Variants in CHRM3 observed in about 807,000 individuals in gnomAD.
CHRM3 encodes cholinergic receptor muscarinic 3.
CHRM3 carries 11 observed loss-of-function variants against 41.8 expected under a neutral mutation model. The observed-to-expected ratio is 0.26, with a 90% confidence interval of 0.17 to 0.44. The LOEUF (loss-of-function observed/expected upper bound fraction) is 0.44, where lower values mean the gene tolerates loss of function less well. Ranked by LOEUF, CHRM3 falls within the 20% of genes least tolerant of loss-of-function variation. CHRM3 has a pLI of 1.00. For synonymous variants in CHRM3, 297 were observed against 301.4 expected, an observed-to-expected ratio of 0.99 and a Z score of 0.15; for missense variants, 571 against 745.4, an observed-to-expected ratio of 0.77 and a Z score of 2.72.
At chr1:239,676,421 T>G (rs1658010818) in intron 4 of CHRM3, among the ~76,000 whole-genome samples, 1 of 152,144 alleles carries the variant, frequency 6.6e-6, no homozygotes, top group Admixed American at 6.6e-5. Flanking sequence ...TAGTTGAGTG[T>G]GTCTGCCCCA....
At chr1:239,775,111 G>A (rs1390431799) in intron 5 of CHRM3, among the ~76,000 whole-genome samples, 2 of 152,032 alleles carry the variant, frequency 1.3e-5, no homozygotes, top group East Asian at 3.9e-4. Flanking sequence ...CTGATAGTCT[G>A]TCTTATCTAA....
At chr1:239,513,937 C>T (rs1052004052) in intron 2 of CHRM3, among the ~76,000 whole-genome samples, 1 of 152,026 alleles carries the variant, frequency 6.6e-6, no homozygotes, top group Non-Finnish European at 1.5e-5. Flanking sequence ...AGATCAGTTG[C>T]TATACTTAGT....
intron 1 of CHRM3, among the ~76,000 whole-genome samples, chr1:239,397,383 A>G (rs1251978112): frequency 6.6e-6 from 1 of 152,056 alleles, no homozygotes; most frequent in Non-Finnish European, 1.5e-5. Flanking sequence ...AAATATAGAA[A>G]ATGTTGTGGC....
intron 6 of CHRM3, among the ~76,000 whole-genome samples, chr1:239,877,974 T>A (rs559769008): frequency 1.3e-5 from 2 of 151,334 alleles, no homozygotes; most frequent in African/African-American, 4.9e-5. Flanking sequence ...CACTGCAAGC[T>A]CTGCCTCCCA....
chr1:239,464,113 C>CA (rs775078155), intron 1 of CHRM3, among the ~76,000 whole-genome samples: 35 of 151,950 alleles, frequency 2.3e-4, no homozygotes, highest in Admixed American at 1.2e-3. Flanking sequence ...CCCATCTCTA[C>CA]AAAAAATACC....
intron 5 of CHRM3, among the ~76,000 whole-genome samples, chr1:239,696,234 T>A (rs996561230): frequency 5.9e-5 from 9 of 152,176 alleles, no homozygotes; most frequent in African/African-American, 2.2e-4. Context: ...ATATCAAAAA[T>A]CTTATACCTG....
intron 5 of CHRM3, among the ~76,000 whole-genome samples, chr1:239,781,414 G>A (rs764563567): frequency 1.3e-5 from 2 of 152,188 alleles, no homozygotes; most frequent in African/African-American, 4.8e-5. Context: ...GCTAGTACAG[G>A]AAAGCAATGG....
rs183901262 is a variant in CHRM3 at position 239,769,735 on chromosome 1, G to A, written c.-146-57517G>A. Reference sequence around the variant, plus strand: ...ATCTCTACTACAAATACAAAAATTAGCCAGGCTTGGTGGCAGGTGCCTGTA... The same window carrying A: ...ATCTCTACTACAAATACAAAAATTAACCAGGCTTGGTGGCAGGTGCCTGTA... On this transcript the variant is annotated intron_variant, in intron 5 of 6. Transcript: ENST00000676153. 6.8e-3 allele frequency among the ~76,000 whole-genome samples: 1,040 copies of A among 152,248 alleles called. 9 individuals are homozygous for A. The highest frequency in any genetic ancestry group is 8.6e-3 in the Non-Finnish European group (585 of 68,022).
chr1:239,743,977 T>G (rs1449451415), intron 5 of CHRM3, among the ~76,000 whole-genome samples: 2 of 148,740 alleles, frequency 1.3e-5, no homozygotes, highest in Admixed American at 6.7e-5. Flanking sequence ...TTTTTAAGTT[T>G]TTTTTTTTTT....
At chr1:239,804,067 G>C (rs554514115) in intron 5 of CHRM3, among the ~76,000 whole-genome samples, 1 of 152,324 alleles carries the variant, frequency 6.6e-6, no homozygotes, top group Admixed American at 6.5e-5. Flanking sequence ...TGTGGCAACA[G>C]GAGAGAGGCA....
At chr1:239,710,988 A>T (rs1400907181) in intron 5 of CHRM3, among the ~76,000 whole-genome samples, 6 of 151,972 alleles carry the variant, frequency 3.9e-5, no homozygotes, top group Non-Finnish European at 7.4e-5. Flanking sequence ...AAACTATTTG[A>T]CAACTCTCAC....
chr1:239,749,957 C>CAGTTAAAAGTTTAAAA (rs1665674600), intron 5 of CHRM3, among the ~76,000 whole-genome samples: 1 of 152,172 alleles, frequency 6.6e-6, no homozygotes, highest in Non-Finnish European at 1.5e-5. Context: ...CTTTGAATCT[C>CAGTTAAAAGTTTAAAA]AGTTAAAAGT....
intron 3 of CHRM3, among the ~76,000 whole-genome samples, chr1:239,563,618 A>T (rs2148501541): frequency 6.6e-6 from 1 of 152,282 alleles, no homozygotes; most frequent in Admixed American, 6.5e-5. Flanking sequence ...ATTTGTTTCA[A>T]GAGAAGGAGA....
At chr1:239,562,862 T>C (rs1411726733) in intron 3 of CHRM3, among the ~76,000 whole-genome samples, 1 of 132,578 alleles carries the variant, frequency 7.5e-6, no homozygotes, top group East Asian at 2.2e-4. Context: ...CACTCCAGCC[T>C]GGGCAAAAGA....
Position 239,790,782 on chromosome 1 carries a change from A to T in CHRM3, c.-146-36470A>T, listed in dbSNP as rs1196351498. ...GAATATTAGTTCCTAAACCTCATTA[A>T]CTTCCTGGAGCACAAATGTGATAGA... On this transcript the variant is annotated intron_variant, in intron 5 of 6. Coordinates refer to ENST00000676153, the MANE Select transcript of CHRM3 (RefSeq NM_001375978.1). 2.6e-5 allele frequency among the ~76,000 whole-genome samples: 4 copies of T among 152,200 alleles called. No individual in the cohort carries two copies. The East Asian group carries it at 5.8e-4, about 22-fold the overall frequency.
At chr1:239,870,322 TA>T (rs1347443510) in intron 6 of CHRM3, among the ~76,000 whole-genome samples, 2 of 152,308 alleles carry the variant, frequency 1.3e-5, no homozygotes, top group Admixed American at 1.3e-4. Context: ...GTTGTCCAGA[TA>T]AGTAGAAATA....
intron 1 of CHRM3, among the ~76,000 whole-genome samples, chr1:239,454,295 G>A (rs1358285333): frequency 6.6e-6 from 1 of 152,142 alleles, no homozygotes; most frequent in East Asian, 1.9e-4. Flanking sequence ...TTGGCTCATT[G>A]GACTCCTGGA....
At chr1:239,618,272 TC>T (rs1667862944) in intron 3 of CHRM3, among the ~76,000 whole-genome samples, 1 of 126,518 alleles carries the variant, frequency 7.9e-6, no homozygotes, top group African/African-American at 3.3e-5. Context: ...ACTTTTTTTT[TC>T]TTTCTTTTTT....
In CHRM3 at chr1:239,810,681, G is replaced by A. The variant is rs185841837; in HGVS notation, c.-146-16571G>A. ...ATTCAGAGTAATTATAATTATTATC[G>A]GCATGTCCTTGGCCAAGGCCAAAGG... On this transcript the variant is annotated intron_variant, in intron 5 of 6. Coordinates refer to ENST00000676153, the MANE Select transcript of CHRM3 (RefSeq NM_001375978.1). Among the ~76,000 whole-genome samples, 5 of 152,284 alleles carry A rather than the reference G, an allele frequency of 3.3e-5. No homozygotes were observed. In the East Asian group the frequency reaches 9.6e-4, roughly 29 times the overall value.
Sources: allele counts gnomAD v4.1 joint callset (sites outside exome capture counted in the v4.1 genomes callset), GRCh38; gene constraint gnomAD v4.1.1; transcripts MANE v1.5; gene names NCBI Gene and HGNC (gene_info 2026-07-23, HGNC 2026-07-21).